Variants in HERC2 observed in about 807,000 individuals in gnomAD.
HERC2 encodes the protein HECT and RLD domain containing E3 ubiquitin protein ligase 2.
In HERC2, 102 loss-of-function variants were observed where a neutral mutation model predicts 537.7. The observed-to-expected ratio is 0.19, with a 90% CI of 0.16 to 0.22. The LOEUF (loss-of-function observed/expected upper bound fraction) is 0.22. Among genes scored for constraint, HERC2 ranks in the 10% least tolerant of loss-of-function variants. HERC2 has a pLI of 1.00. For synonymous variants in HERC2, 2,224 were observed against 2,466.2 expected (o/e 0.90, Z 2.91); for missense variants, 4,236 against 6,198.2 (o/e 0.68, Z 10.63).
chr15:28,278,243 C>T (rs2075928339), intron 5 of HERC2, among the ~76,000 whole-genome samples: 1 of 152,062 alleles, frequency 6.6e-6, no homozygotes, highest in Non-Finnish European at 1.5e-5. Context: ...ATTAGCTAGG[C>T]ATTGTGGCAC....
chr15:28,304,597 C>CA (rs368053486), intron 2 of HERC2, among the ~76,000 whole-genome samples: 441 of 151,964 alleles, frequency 2.9e-3, no homozygotes, highest in African/African-American at 0.01. Context: ...CTCCTGACCT[C>CA]AAGTGATCCA....
intron 2 of HERC2, among the ~76,000 whole-genome samples, chr15:28,308,732 C>G (rs1051182886): frequency 6.6e-6 from 1 of 152,126 alleles, no homozygotes; most frequent in Admixed American, 6.5e-5. Context: ...TCTTCCATAA[C>G]CAGTTTTAAG....
intron 68 of HERC2, among the ~76,000 whole-genome samples, chr15:28,163,705 C>T (rs1476440256): frequency 1.3e-5 from 2 of 152,102 alleles, no homozygotes; most frequent in African/African-American, 4.8e-5. Flanking sequence ...TTGTCTAGAT[C>T]CTCTCCATAA....
Position 28,114,775 on chromosome 15 carries a change from T to C in HERC2, c.13750A>G (p.Met4584Val). Residue 4584 changes from methionine to valine, a missense_variant, in exon 90 of 93, where the codon ATG (methionine) becomes GTG (valine). Met to Val is a conservative substitution (Grantham distance 21). Around this residue, in one of 27 missense-constraint regions of HERC2, gnomAD observed 313 missense variants for 462.6 expected, o/e 0.68. Coordinates refer to ENST00000261609, the MANE Select transcript of HERC2 (RefSeq NM_004667.6). ...GTGGCTTCATTGTCTCGGATGTACATGAGTCCAGGAATAAAATCCTTATCA... is the reference window on the plus strand; with the variant it reads ...GTGGCTTCATTGTCTCGGATGTACACGAGTCCAGGAATAAAATCCTTATCA... ...EVDKDFIPGLMYIRDNEATSE... is the reference protein window; with the variant it reads ...EVDKDFIPGLVYIRDNEATSE... The C allele has an allele frequency of 6.2e-7, 1 of 1,614,042 alleles. No homozygotes were observed. The highest frequency in any genetic ancestry group is 8.5e-7 in the Non-Finnish European group (1 of 1,180,016).
At position 28,191,822 on chromosome 15, in the gene HERC2, T is replaced by C; in HGVS notation, c.8451+139A>G. 3 of 646,078 alleles carry C rather than the reference T, an allele frequency of 4.6e-6. No individual in the cohort carries two copies. The East Asian group carries it at 8.3e-5, about 18-fold the overall frequency. 40.0% of individuals were successfully genotyped at this position (646,078 alleles called of 1,614,324 possible). On this transcript the variant is annotated intron_variant, in intron 53 of 92. Coordinates refer to ENST00000261609, the MANE Select transcript of HERC2 (RefSeq NM_004667.6). ...TATATAACTCTAACTTTGAAATAAC[T>C]TATAAATTAAAACATAACGTGAGTA... is the stretch of plus-strand genomic sequence containing the variant.
At chr15:28,174,239 C>T (rs1009829917) in intron 65 of HERC2, among the ~76,000 whole-genome samples, 156 bp downstream of exon 65, 4 of 152,068 alleles carry the variant, frequency 2.6e-5, no homozygotes, top group African/African-American at 4.8e-5. Context: ...ATGTATAAAT[C>T]GCATGAGAGC....
At position 28,258,819 on chromosome 15, in the gene HERC2, A is replaced by G. The variant is rs191395695; in HGVS notation, c.2317-1558T>C. Among the ~76,000 whole-genome samples the G allele has an allele frequency of 3.3e-5, 5 of 152,330 alleles. No homozygotes were observed. The East Asian group carries it at 9.6e-4, about 29-fold the overall frequency. On this transcript the variant is annotated intron_variant, in intron 16 of 92. Coordinates refer to ENST00000261609, the MANE Select transcript of HERC2 (RefSeq NM_004667.6). Reference sequence around the variant, plus strand: ...AGATTGTTCTTTGAAAAGATCAACAAAATTGAAAAACTCTAGGAAAACTGA... The same window carrying G: ...AGATTGTTCTTTGAAAAGATCAACAGAATTGAAAAACTCTAGGAAAACTGA...
At chr15:28,269,175 A>C in intron 11 of HERC2, 73 bp downstream of exon 11, 2 of 1,210,248 alleles carry the variant, frequency 1.7e-6, no homozygotes, top group Non-Finnish European at 2.3e-6. Context: ...AAGAAACACC[A>C]GAGCTTGTGC....
intron 79 of HERC2, among the ~76,000 whole-genome samples, chr15:28,134,645 G>C (rs1045638636): frequency 6.6e-6 from 1 of 151,714 alleles, no homozygotes; most frequent in Non-Finnish European, 1.5e-5. Context: ...CTTACTCCTA[G>C]ACTACTCAGA....
intron 83 of HERC2, among the ~76,000 whole-genome samples, chr15:28,125,591 A>C (rs1349227891): frequency 6.6e-6 from 1 of 152,238 alleles, no homozygotes. Flanking sequence ...AATCCATCTA[A>C]TATTAAAACA....
At chr15:28,251,147 G>A (rs1272299106) in intron 20 of HERC2, among the ~76,000 whole-genome samples, 1 of 152,136 alleles carries the variant, frequency 6.6e-6, no homozygotes, top group Non-Finnish European at 1.5e-5. Flanking sequence ...GTTCTTGGTT[G>A]TATTAATAAA....
At chr15:28,263,427 TG>T (rs2075466875) in intron 14 of HERC2, among the ~76,000 whole-genome samples, 1 of 152,194 alleles carries the variant, frequency 6.6e-6, no homozygotes, top group Admixed American at 6.5e-5. Flanking sequence ...CTTACTAGCC[TG>T]GGCTCAATGT....
intron 74 of HERC2, 59 bp downstream of exon 74, chr15:28,143,814 A>C: frequency 1.9e-6 from 3 of 1,607,368 alleles, no homozygotes; most frequent in Non-Finnish European, 2.6e-6. Context: ...AGACTACTAA[A>C]GCAACATTTT....
chr15:28,217,162 A>C (rs1434319062), intron 38 of HERC2, among the ~76,000 whole-genome samples: 2 of 152,154 alleles, frequency 1.3e-5, no homozygotes, highest in East Asian at 3.8e-4. Context: ...TCACTGACTT[A>C]CACTGACTTA....
rs927053511 is a variant in HERC2, at chr15:28,269,345, T to C, written c.1349A>G (p.Asn450Ser). The change falls in exon 11 of 93, where the codon AAC (asparagine) becomes AGC (serine). Residue 450 changes from asparagine (N) to serine (S), a missense_variant. Asn to Ser is a conservative substitution (Grantham distance 46). Around this residue, in one of 27 missense-constraint regions of HERC2, gnomAD observed 491 missense variants for 559.3 expected, o/e 0.88. Transcript: ENST00000261609. ...IGPIQCEGLANLGVTQIACAE... is the reference protein window; with the variant it reads ...IGPIQCEGLASLGVTQIACAE... ...ACAGGCAATCTGTGTGACTCCCAGGTTGGCCAGGCCTTCGCACTGGATTGG... is the reference window on the plus strand; with the variant it reads ...ACAGGCAATCTGTGTGACTCCCAGGCTGGCCAGGCCTTCGCACTGGATTGG... 3 of 1,614,116 alleles carry C rather than the reference T, an allele frequency of 1.9e-6. No homozygotes were observed. The highest frequency in any genetic ancestry group is 1.1e-5 in the South Asian group (1 of 91,088).
chr15:28,272,273 T>C lies in HERC2; in HGVS notation c.1025A>G (p.Gln342Arg). The change falls in exon 9 of 93, where the codon CAA (glutamine) becomes CGA (arginine). Residue 342 changes from glutamine to arginine, a missense_variant. By Grantham distance (43) the Gln-to-Arg change is conservative. Transcript: ENST00000261609. ...GTSAPLLPLL[Q>R]RFQSIICRKD... The stretch of plus-strand genomic sequence containing the variant: ...CCTGCAAATGATGCTCTGGAACCTT[T>C]GCAGCAAGGGCAAAAGTGGGGCGCT... 2 of 1,612,302 alleles carry C rather than the reference T, an allele frequency of 1.2e-6. No homozygotes were observed. The highest frequency in any genetic ancestry group is 2.2e-5 in the South Asian group (2 of 90,490).
intron 48 of HERC2, among the ~76,000 whole-genome samples, chr15:28,199,695 G>A (rs1382229430): frequency 6.6e-6 from 1 of 152,192 alleles, no homozygotes; most frequent in Non-Finnish European, 1.5e-5. Context: ...AGGCTGACAA[G>A]ACCTAACCCA....
At chr15:28,132,580 G>C (rs552773453) in intron 80 of HERC2, 73 bp downstream of exon 80, 2 of 1,315,904 alleles carry the variant, frequency 1.5e-6, no homozygotes, top group Non-Finnish European at 2.0e-6. Flanking sequence ...AACAACGGTG[G>C]CAAACCGCCC....
At chr15:28,195,862 C>A (rs1897303538) in intron 52 of HERC2, among the ~76,000 whole-genome samples, 1 of 152,168 alleles carries the variant, frequency 6.6e-6, no homozygotes. Flanking sequence ...GCCACAATGA[C>A]AAATACAATA....
Sources: gnomAD v4.1 joint callset for allele counts (sites outside exome capture counted in the v4.1 genomes callset) on GRCh38, gnomAD v4.1.1 for gene constraint, gnomAD v4.1.1 regional missense constraint, MANE v1.5 for transcripts, NCBI Gene and HGNC (gene_info 2026-07-23, HGNC 2026-07-21) for gene names.